SDK1: variants seen among roughly 807,000 people sequenced by gnomAD.
SDK1 encodes the protein sidekick cell adhesion molecule 1, also known as protein sidekick-1.
A neutral mutation model predicts 245.5 loss-of-function variants in SDK1; 157 were observed. The observed-to-expected ratio is 0.64, with a 90% CI of 0.56 to 0.73. The LOEUF (loss-of-function observed/expected upper bound fraction) is 0.73, where lower values mean the gene tolerates loss of function less well. Among genes scored for constraint, SDK1 ranks in the 30% least tolerant of loss-of-function variants. The pLI, the probability that SDK1 is intolerant of heterozygous loss-of-function variation, is 0.00. For synonymous variants in SDK1, 1,647 were observed against 1,278.5 expected, an observed-to-expected ratio of 1.29 and a Z score of -6.15; for missense variants, 3,583 against 3,002.3, an observed-to-expected ratio of 1.19 and a Z score of -4.52.
intron 1 of SDK1, among the ~76,000 whole-genome samples, chr7:3,465,818 C>G (rs532002043): frequency 2.6e-5 from 4 of 152,122 alleles, no homozygotes; most frequent in Non-Finnish European, 5.9e-5. Context: ...AGGGAGTCAC[C>G]TTTTGGGTTG....
chr7:3,497,536 A>C (rs1247257191), intron 1 of SDK1, among the ~76,000 whole-genome samples: 1 of 152,204 alleles, frequency 6.6e-6, no homozygotes, highest in African/African-American at 2.4e-5. Flanking sequence ...GCAAATTGCA[A>C]TATAATACCA....
intron 1 of SDK1, among the ~76,000 whole-genome samples, chr7:3,376,177 A>G (rs1053548915): frequency 1.3e-5 from 2 of 152,162 alleles, no homozygotes; most frequent in Non-Finnish European, 2.9e-5. Context: ...AGCCCGGGTG[A>G]CAGAGTGAGA....
intron 4 of SDK1, among the ~76,000 whole-genome samples, chr7:3,795,889 C>T (rs1412341181): frequency 6.6e-6 from 1 of 152,108 alleles, no homozygotes; most frequent in Non-Finnish European, 1.5e-5. Flanking sequence ...GGCAATAAAT[C>T]TAAACTTTGG....
intron 1 of SDK1, among the ~76,000 whole-genome samples, chr7:3,328,291 TATATC>T (rs1331743604): frequency 1.3e-5 from 2 of 152,148 alleles, no homozygotes; most frequent in Admixed American, 6.5e-5. Context: ...AATGAAGTAA[TATATC>T]ATAAAACAGA....
chr7:4,237,658 G>T lies in SDK1; in HGVS notation c.6004G>T (p.Ala2002Ser). ...TGTCTTTTCCACAGCTCAAGTGGAA[G>T]CCCCATTCTACGAGGAGTGGTGGTT... ...PSTAVSAQVE[A>S]PFYEEWWFLL... is the part of the protein sequence containing the mutation. The change falls in exon 42 of 45, where the codon GCC (alanine) becomes TCC (serine). Residue 2002 changes from alanine (A) to serine (S), a missense_variant. Coordinates refer to ENST00000404826, the MANE Select transcript of SDK1 (RefSeq NM_152744.4). The T allele has an allele frequency of 1.2e-6, 2 of 1,614,162 alleles. No homozygotes were observed. The highest frequency in any genetic ancestry group is 2.2e-5 in the South Asian group (2 of 91,078).
Position 4,205,863 on chromosome 7 carries a change from A to G in SDK1, c.5099-16A>G, listed in dbSNP as rs111271617. 1.1e-5 allele frequency: 17 copies of G among 1,546,960 alleles called. No homozygotes were observed. In the Admixed American group the frequency reaches 1.4e-4, roughly 12 times the overall value. Reference sequence around the variant, plus strand: ...AATGAACGTCTCAGCTTCTCTCCGCATTGCTCTTTCCTCAGCCCCGGCCAT... The same window carrying G: ...AATGAACGTCTCAGCTTCTCTCCGCGTTGCTCTTTCCTCAGCCCCGGCCAT... On this transcript the variant is annotated splice_polypyrimidine_tract_variant and intron_variant, in intron 35 of 44. Coordinates refer to ENST00000404826, the MANE Select transcript of SDK1 (RefSeq NM_152744.4).
At chr7:3,367,719 C>T (rs1270824544) in intron 1 of SDK1, among the ~76,000 whole-genome samples, 1 of 152,150 alleles carries the variant, frequency 6.6e-6, no homozygotes, top group Non-Finnish European at 1.5e-5. Context: ...TGCTTCCTTG[C>T]TCTTAGTTTG....
At chr7:4,045,437 G>T (rs535299197) in intron 17 of SDK1, among the ~76,000 whole-genome samples, 1 of 151,592 alleles carries the variant, frequency 6.6e-6, no homozygotes, top group African/African-American at 2.4e-5. Flanking sequence ...GTAGGGACGG[G>T]GTCTCTCTGT....
intron 1 of SDK1, among the ~76,000 whole-genome samples, chr7:3,458,171 C>A (rs995982409): frequency 3.3e-5 from 5 of 149,798 alleles, no homozygotes; most frequent in Admixed American, 2.7e-4. Flanking sequence ...GGCATGGTGG[C>A]CTTGATCTGG....
intron 4 of SDK1, among the ~76,000 whole-genome samples, chr7:3,820,965 C>G (rs185932455): frequency 6.6e-6 from 1 of 152,324 alleles, no homozygotes; most frequent in Admixed American, 6.5e-5. Context: ...TGCCCATTGG[C>G]GACTTTCCTT....
At chr7:3,575,413 G>A (rs1192755573) in intron 1 of SDK1, among the ~76,000 whole-genome samples, 1 of 151,948 alleles carries the variant, frequency 6.6e-6, no homozygotes, top group Non-Finnish European at 1.5e-5. Context: ...CACATCAGGG[G>A]TTAGGGCATC....
chr7:4,220,079 C>G, intron 38 of SDK1, 30 bp from the exon 39 acceptor site: 9 of 1,607,266 alleles, frequency 5.6e-6, no homozygotes, highest in Non-Finnish European at 7.7e-6. Flanking sequence ...GGCTGAACCC[C>G]CTTGTTTCCT....
chr7:3,951,506 A>G (rs1306725953), intron 6 of SDK1, among the ~76,000 whole-genome samples: 1 of 152,160 alleles, frequency 6.6e-6, no homozygotes, highest in Non-Finnish European at 1.5e-5. Context: ...TTGCTGCGGC[A>G]ATTAGATATC....
At chr7:3,766,799 A>G (rs1207431080) in intron 4 of SDK1, among the ~76,000 whole-genome samples, 14 of 152,198 alleles carry the variant, frequency 9.2e-5, no homozygotes, top group Non-Finnish European at 1.9e-4. Flanking sequence ...TTAGCAGTCA[A>G]CAAGTATATA....
chr7:4,193,330 A>C (rs1584413024), intron 35 of SDK1, among the ~76,000 whole-genome samples: 1 of 130,920 alleles, frequency 7.6e-6, no homozygotes, highest in South Asian at 2.2e-4. Flanking sequence ...ACAATATATA[A>C]ATATATTAAT....
intron 35 of SDK1, among the ~76,000 whole-genome samples, chr7:4,187,543 A>C (rs1453199323): frequency 2.0e-5 from 3 of 152,242 alleles, no homozygotes; most frequent in South Asian, 2.1e-4. Context: ...TTAGGCAAGA[A>C]GGTATCTCAT....
Position 4,174,375 on chromosome 7 carries a change from G to T in SDK1, c.4936+18G>T, listed in dbSNP as rs1275127841. 6.2e-7 allele frequency: 1 copy of T among 1,612,936 alleles called. No homozygotes were observed. Among genetic ancestry groups the T allele is most frequent in the South Asian group, 1.1e-5 (1 of 91,046 alleles). On this transcript the variant is annotated intron_variant, in intron 33 of 44. Transcript: ENST00000404826. Reference sequence around the variant, plus strand: ...GCTCACAGGTGAGACTGTCCCCTCTGTCCTGGTACAGGGAGGGAGGTTCCC... The same window carrying T: ...GCTCACAGGTGAGACTGTCCCCTCTTTCCTGGTACAGGGAGGGAGGTTCCC...
chr7:3,866,596 C>T (rs368673848), intron 5 of SDK1, among the ~76,000 whole-genome samples: 14 of 152,244 alleles, frequency 9.2e-5, no homozygotes, highest in South Asian at 6.2e-4. Context: ...AGTGCATGCA[C>T]GCACTAGTTT....
At chr7:3,353,841 T>C (rs1780722982) in intron 1 of SDK1, among the ~76,000 whole-genome samples, 2 of 152,126 alleles carry the variant, frequency 1.3e-5, no homozygotes, top group Admixed American at 1.3e-4. Context: ...GAGCGTGTCC[T>C]GCATGTCAGT....
Sources: gnomAD v4.1 joint callset for allele counts (sites outside exome capture counted in the v4.1 genomes callset) on GRCh38, gnomAD v4.1.1 for gene constraint, MANE v1.5 for transcripts, NCBI Gene and HGNC (gene_info 2026-07-23, HGNC 2026-07-21) for gene names.